The following POLR1C variants were observed in gnomAD, a reference collection of about 807,000 sequenced individuals.
POLR1C encodes the protein DNA-directed RNA polymerases I and III subunit RPAC1.
In POLR1C, 42 loss-of-function variants were observed where a neutral mutation model predicts 38.3. The ratio of observed to expected loss-of-function variants is 1.10; its 90% CI spans 0.86 to 1.42. The LOEUF (loss-of-function observed/expected upper bound fraction) is 1.42. POLR1C is among the 40% of genes most tolerant of loss of function. POLR1C has a pLI of 0.00. For missense variants in POLR1C, 507 were observed against 450.5 expected (o/e 1.13, Z -1.14); for synonymous variants, 163 against 163.9 (o/e 0.99, Z 0.04).
chr6:43,529,423 G>T (rs915623192), exon 9 of POLR1C: 1 of 345,430 alleles, frequency 2.9e-6, no homozygotes, highest in African/African-American at 2.3e-5. Flanking sequence ...GCATGGGGGC[G>T]AGCGCCTGTA....
intron 9 of POLR1C, among the ~76,000 whole-genome samples, chr6:43,548,744 A>G (rs1299305205): frequency 6.6e-6 from 1 of 150,762 alleles, no homozygotes; most frequent in Non-Finnish European, 1.5e-5. Flanking sequence ...ATATATATGT[A>G]TATCTATATA....
At chr6:43,553,257 G>C (rs1795337239) in intron 10 of POLR1C, 1 of 1,300,656 alleles carries the variant, frequency 7.7e-7, no homozygotes, top group African/African-American at 1.5e-5. Context: ...AGCTATGATT[G>C]TGCCACTGCA....
chr6:43,553,560 T>C (rs969220348), intron 10 of POLR1C: 350 of 1,514,518 alleles, frequency 2.3e-4, no homozygotes, highest in Non-Finnish European at 2.7e-4. Flanking sequence ...ATTATCAGCA[T>C]TGAAAGATCG....
At chr6:43,524,884 C>T (rs1265824264), downstream of POLR1C, 3 of 1,613,878 alleles carry the variant, frequency 1.9e-6, no homozygotes, top group East Asian at 2.2e-5. Context: ...ATGCACCCGT[C>T]GTGCTGCCCG....
downstream of POLR1C, among the ~76,000 whole-genome samples, chr6:43,531,764 C>G (rs78599897): frequency 4.9e-3 from 745 of 152,070 alleles, 5 homozygotes; most frequent in African/African-American, 0.016. Flanking sequence ...ACTTAAGGAC[C>G]CAGGACTTTA....
At chr6:43,558,570 C>CT (rs1212298139) in intron 10 of POLR1C, 1 of 1,597,126 alleles carries the variant, frequency 6.3e-7, no homozygotes, top group Non-Finnish European at 8.5e-7. Context: ...CTAGGGCTGT[C>CT]TGTTTTAGAA....
intron 10 of POLR1C, chr6:43,551,118 T>C (rs1795206354): frequency 2.1e-6 from 1 of 487,502 alleles, no homozygotes; most frequent in Non-Finnish European, 3.4e-6. Context: ...AGGCCAGGCA[T>C]GGTTGTGCAT....
At chr6:43,546,356 G>C (rs1794963553) in intron 9 of POLR1C, among the ~76,000 whole-genome samples, 1 of 152,194 alleles carries the variant, frequency 6.6e-6, no homozygotes, top group South Asian at 2.1e-4. Flanking sequence ...GCCCTTTTGG[G>C]ATTATCCCCT....
intron 8 of POLR1C, chr6:43,528,323 G>T: frequency 2.0e-6 from 2 of 1,020,100 alleles, no homozygotes; most frequent in Non-Finnish European, 1.5e-6. Context: ...AGGCATCAAT[G>T]ACAACTTCTG....
At chr6:43,561,122 G>A in intron 10 of POLR1C, 1 of 860,262 alleles carries the variant, frequency 1.2e-6, no homozygotes, top group Non-Finnish European at 1.9e-6. Flanking sequence ...GTTTCAAAAG[G>A]ACTTTGTATT....
At chr6:43,541,209 T>C (rs761712564) in intron 9 of POLR1C, among the ~76,000 whole-genome samples, 16 of 152,190 alleles carry the variant, frequency 1.1e-4, no homozygotes, top group East Asian at 1.9e-4. Context: ...AGGGTGACTA[T>C]AGTCAATAAT....
downstream of POLR1C, chr6:43,523,747 C>A (rs779073301): frequency 1.3e-6 from 2 of 1,517,598 alleles, no homozygotes; most frequent in South Asian, 2.3e-5. Context: ...AGACCTGGAT[C>A]TCTTTCCAGG....
intron 9 of POLR1C, among the ~76,000 whole-genome samples, chr6:43,545,186 T>C (rs1357232014): frequency 6.6e-6 from 1 of 152,110 alleles, no homozygotes; most frequent in Non-Finnish European, 1.5e-5. Context: ...ATATTGTCTA[T>C]TTCCACAGAC....
chr6:43,519,314 T>G lies in POLR1C; in HGVS notation c.142-19T>G. The G allele has an allele frequency of 6.8e-7, 1 of 1,473,792 alleles. No individual in the cohort carries two copies. Among genetic ancestry groups the G allele is most frequent in the African/African-American group, 1.4e-5 (1 of 72,344 alleles). The allele number at this position is 1,473,792 out of a possible 1,614,324, so 91.3% of individuals were successfully genotyped here. A position where few individuals can be genotyped will look rare whatever the true frequency, so the allele number is the denominator to read the frequency against. ...ACAGAGAGCAGATTTCACTTAAATG[T>G]TTTTTCCTGTCCCTCTAGAATTTCC... On this transcript the variant is annotated intron_variant, in intron 2 of 8. Coordinates refer to ENST00000642195, the MANE Select transcript of POLR1C (RefSeq NM_203290.4).
Position 43,520,265 on chromosome 6 carries a change from T to C in POLR1C, c.503-10T>C, listed in dbSNP as rs573140963. The C allele has an allele frequency of 3.1e-5, 50 of 1,613,140 alleles. No individual in the cohort carries two copies. Among genetic ancestry groups the C allele is most frequent in the Non-Finnish European group, 4.0e-5 (47 of 1,180,026 alleles). ...AGGGACTGAGATCTTCTGACATGTT[T>C]TTCCTCCAGTGTATACCAGGCATAT... is the stretch of plus-strand genomic sequence containing the variant. On this transcript the variant is annotated splice_polypyrimidine_tract_variant and intron_variant, in intron 5 of 8. Transcript: ENST00000642195.
chr6:43,538,907 T>G, intron 9 of POLR1C: 1 of 1,218,322 alleles, frequency 8.2e-7, no homozygotes, highest in South Asian at 1.2e-5. Flanking sequence ...GAATTCCTGA[T>G]AGGGAGACTT....
chr6:43,558,351 T>C lies in POLR1C; in HGVS notation c.*49-3049T>C, dbSNP rs1762222506. On this transcript the variant is annotated intron_variant, in intron 10 of 10. Transcript: ENST00000607635. ...TGCCTGGAATACAGCCCCAGCACTC[T>C]TCTGCAATGGGAAACTAGGGCCTAA... 21 of 671,322 alleles carry C rather than the reference T, an allele frequency of 3.1e-5. No individual in the cohort carries two copies. In the South Asian group the frequency reaches 4.1e-4, roughly 13 times the overall value. The allele number at this position is 671,322 out of a possible 1,614,324, so 41.6% of individuals were successfully genotyped here. A position where few individuals can be genotyped will look rare whatever the true frequency, so the allele number is the denominator to read the frequency against.
chr6:43,547,646 G>C (rs1273134177), intron 9 of POLR1C: 1 of 1,613,848 alleles, frequency 6.2e-7, no homozygotes, highest in Admixed American at 1.7e-5. Context: ...TCCAGGCCTG[G>C]GTCACAGCTC....
At chr6:43,556,137 G>T in intron 10 of POLR1C, 2 of 847,462 alleles carry the variant, frequency 2.4e-6, no homozygotes, top group South Asian at 2.3e-5. Context: ...GAATCCAGAA[G>T]TTTTTGAAAA....
Sources: allele counts gnomAD v4.1 joint callset (sites outside exome capture counted in the v4.1 genomes callset), GRCh38; gene constraint gnomAD v4.1.1; transcripts MANE v1.5; gene names NCBI Gene and HGNC (gene_info 2026-07-23, HGNC 2026-07-21).